Variants in GMDS observed in about 807,000 individuals in gnomAD.
The protein encoded by GMDS is GDP-mannose 4,6-dehydratase, also known as GDP-mannose 4,6 dehydratase.
A neutral mutation model predicts 49.9 loss-of-function variants in GMDS; 20 were observed. The ratio of observed to expected loss-of-function variants is 0.40; its 90% CI spans 0.28 to 0.58. The LOEUF (loss-of-function observed/expected upper bound fraction) is 0.58. Among genes scored for constraint, GMDS ranks in the 20% least tolerant of loss-of-function variants. GMDS has a pLI of 0.42. For missense variants in GMDS, 362 were observed against 481.4 expected (o/e 0.75, Z 2.32); for synonymous variants, 177 against 178.6 (o/e 0.99, Z 0.07).
chr6:2,052,116 C>CAAAAAAAAA lies in GMDS; in HGVS notation c.345+63646_345+63654dup, dbSNP rs1285013159. Among the ~76,000 whole-genome samples the CAAAAAAAAA allele has an allele frequency of 2.2e-3, 95 of 43,574 alleles. 4 individuals carry two copies. Among genetic ancestry groups the CAAAAAAAAA allele is most frequent in the Non-Finnish European group, 3.0e-3 (64 of 21,548 alleles). 28.6% of individuals were successfully genotyped at this position (43,574 alleles called of 152,430 possible). A position where few individuals can be genotyped will look rare whatever the true frequency, so the allele number is the denominator to read the frequency against. On this transcript the variant is annotated intron_variant, in intron 4 of 10. Coordinates refer to ENST00000380815, the MANE Select transcript of GMDS (RefSeq NM_001500.4). ...TGGGTGACAGAGCAAGACTCTGTCTCAAAAAAAAAAAAAAGAAAAAAAAAA... is the reference window on the plus strand; with the variant it reads ...TGGGTGACAGAGCAAGACTCTGTCTCAAAAAAAAAAAAAAAAAAAAAAAGAAAAAAAAAA...
intron 7 of GMDS, among the ~76,000 whole-genome samples, chr6:1,750,691 C>A (rs963501767): frequency 2.6e-5 from 4 of 151,922 alleles, no homozygotes; most frequent in Non-Finnish European, 5.9e-5. Context: ...TTTTTCATAT[C>A]CTAGTGGTGC....
chr6:1,780,893 C>A (rs868035499), intron 7 of GMDS, among the ~76,000 whole-genome samples: 2 of 152,146 alleles, frequency 1.3e-5, no homozygotes, highest in African/African-American at 4.8e-5. Context: ...AGGAACCAAA[C>A]TTATATTTTA....
intron 8 of GMDS, among the ~76,000 whole-genome samples, chr6:1,729,492 G>C (rs1766714400): frequency 6.6e-6 from 1 of 152,216 alleles, no homozygotes; most frequent in Non-Finnish European, 1.5e-5. Flanking sequence ...AAGCTGAATT[G>C]AGTTGGCAAA....
intron 4 of GMDS, among the ~76,000 whole-genome samples, chr6:2,003,227 G>A (rs555260495): frequency 2.6e-5 from 4 of 152,174 alleles, no homozygotes; most frequent in Admixed American, 6.5e-5. Flanking sequence ...GGATGATAAC[G>A]AGCAGGAGGA....
intron 2 of GMDS, among the ~76,000 whole-genome samples, chr6:2,119,886 T>G (rs1307542725): frequency 6.6e-6 from 1 of 152,224 alleles, no homozygotes; most frequent in African/African-American, 2.4e-5. Flanking sequence ...AAATTTCAAG[T>G]TCTTTCCATT....
chr6:2,169,282 T>G (rs2127552804), intron 1 of GMDS, among the ~76,000 whole-genome samples: 1 of 152,310 alleles, frequency 6.6e-6, no homozygotes, highest in South Asian at 2.1e-4. Context: ...TAAAACCAGT[T>G]GAAAAATCTT....
chr6:1,923,219 T>C (rs1296927727), intron 7 of GMDS, among the ~76,000 whole-genome samples: 1 of 152,088 alleles, frequency 6.6e-6, no homozygotes, highest in Non-Finnish European at 1.5e-5. Flanking sequence ...ACCTTCACCA[T>C]CCTTCAAGTG....
chr6:1,695,929 T>C (rs1337652901), intron 9 of GMDS, among the ~76,000 whole-genome samples: 3 of 151,030 alleles, frequency 2.0e-5, no homozygotes, highest in Non-Finnish European at 3.0e-5. Context: ...TTTTCTTTTT[T>C]TTTTTTTTTA....
At chr6:1,811,471 C>G (rs1770424973) in intron 7 of GMDS, among the ~76,000 whole-genome samples, 1 of 151,098 alleles carries the variant, frequency 6.6e-6, no homozygotes, top group South Asian at 2.1e-4. Context: ...CTGCTTTTAA[C>G]TGGAGTAGAT....
At chr6:1,744,987 G>GCA (rs3039695) in intron 7 of GMDS, among the ~76,000 whole-genome samples, 55,626 of 151,378 alleles carry the variant, frequency 0.37, 10,921 homozygotes, top group Admixed American at 0.46. Context: ...AGGCACACGT[G>GCA]CACACACACA....
Position 1,857,680 on chromosome 6 carries a change from C to T in GMDS, c.771+72423G>A, listed in dbSNP as rs146045290. On this transcript the variant is annotated intron_variant, in intron 7 of 10. Transcript: ENST00000380815. Reference sequence around the variant, plus strand: ...GATGCTTCTACCTTTTTTGCATTATCGAAGAGATAATAAAGTGTATTTGTG... The same window carrying T: ...GATGCTTCTACCTTTTTTGCATTATTGAAGAGATAATAAAGTGTATTTGTG... Among the ~76,000 whole-genome samples, 26 of 152,166 alleles carry T rather than the reference C, an allele frequency of 1.7e-4. No individual in the cohort carries two copies. The East Asian group carries it at 2.3e-3, about 14-fold the overall frequency.
chr6:2,045,604 G>A (rs571352881), intron 4 of GMDS, among the ~76,000 whole-genome samples: 1 of 152,100 alleles, frequency 6.6e-6, no homozygotes, highest in South Asian at 2.1e-4. Flanking sequence ...GGTTTTGGGG[G>A]TTTTGTTTGT....
At chr6:2,052,047 G>A (rs1770431672) in intron 4 of GMDS, among the ~76,000 whole-genome samples, 1 of 149,324 alleles carries the variant, frequency 6.7e-6, no homozygotes, top group Non-Finnish European at 1.5e-5. Context: ...AACCTGGGAG[G>A]TGGAGGTTGC....
At chr6:2,208,052 AT>A (rs1185262842) in intron 1 of GMDS, among the ~76,000 whole-genome samples, 4 of 151,964 alleles carry the variant, frequency 2.6e-5, no homozygotes, top group Admixed American at 1.3e-4. Flanking sequence ...TTATAAGGTC[AT>A]GAAAACATAA....
At chr6:1,674,617 C>T (rs537157123) in intron 9 of GMDS, among the ~76,000 whole-genome samples, 43 of 123,700 alleles carry the variant, frequency 3.5e-4, no homozygotes, top group African/African-American at 9.5e-4. Context: ...CAGGCTGGAG[C>T]GCAGTGATGC....
intron 7 of GMDS, among the ~76,000 whole-genome samples, chr6:1,928,917 C>A (rs1041119461): frequency 6.6e-6 from 1 of 151,902 alleles, no homozygotes; most frequent in Non-Finnish European, 1.5e-5. Context: ...TGTAGTGAGG[C>A]GAAATCATGC....
At chr6:1,821,242 G>A (rs113370912) in intron 7 of GMDS, among the ~76,000 whole-genome samples, 8 of 152,074 alleles carry the variant, frequency 5.3e-5, no homozygotes, top group South Asian at 2.1e-4. Flanking sequence ...CTTGCATTTC[G>A]GAAGTGAGTG....
At chr6:2,017,952 A>G (rs765588149) in intron 4 of GMDS, among the ~76,000 whole-genome samples, 1 of 152,224 alleles carries the variant, frequency 6.6e-6, no homozygotes, top group Non-Finnish European at 1.5e-5. Flanking sequence ...TATACTTGGT[A>G]AAGAATTAAG....
chr6:1,740,156 T>A (rs1767208927), intron 8 of GMDS, among the ~76,000 whole-genome samples: 1 of 152,186 alleles, frequency 6.6e-6, no homozygotes, highest in Non-Finnish European at 1.5e-5. Context: ...ATAATCTGTG[T>A]TATTCACATA....
Sources: allele counts gnomAD v4.1 joint callset (sites outside exome capture counted in the v4.1 genomes callset), GRCh38; gene constraint gnomAD v4.1.1; transcripts MANE v1.5; gene names NCBI Gene and HGNC (gene_info 2026-07-23, HGNC 2026-07-21).